MGAT4D: variants seen among roughly 807,000 people sequenced by gnomAD.
MGAT4D encodes the protein alpha-1,3-mannosyl-glycoprotein 4-beta-N-acetylglucosaminyltransferase-like protein MGAT4D.
In MGAT4D, 34 loss-of-function variants were observed where a neutral mutation model predicts 15.9. The observed-to-expected ratio is 2.14, with a 90% CI of 1.62 to 2.84. MGAT4D has a LOEUF of 2.84. Ranked by LOEUF, MGAT4D falls within the 30% of genes most tolerant of loss-of-function variation. The pLI is 0.00. For synonymous variants in MGAT4D, 112 were observed against 48.2 expected (o/e 2.33, Z -5.49); for missense variants, 327 against 140.2 (o/e 2.33, Z -6.73).
chr4:140,483,308 T>C (rs1334731252), intron 1 of MGAT4D, among the ~76,000 whole-genome samples: 2 of 152,092 alleles, frequency 1.3e-5, no homozygotes, highest in East Asian at 1.9e-4. Context: ...TGGGAATAAA[T>C]TTAACCAAGG....
intron 5 of MGAT4D, among the ~76,000 whole-genome samples, chr4:140,465,703 T>C (rs1042629393): frequency 1.3e-5 from 2 of 152,228 alleles, no homozygotes; most frequent in Non-Finnish European, 2.9e-5. Context: ...TATTAACATG[T>C]TAAAGGTTCA....
intron 10 of MGAT4D, chr4:140,450,218 G>GA (rs367803915): frequency 8.0e-4 from 199 of 247,906 alleles, no homozygotes; most frequent in African/African-American, 3.8e-3. Flanking sequence ...GTATCAAAAG[G>GA]AAAAAAGCCA....
chr4:140,449,036 T>C (rs1730301574), intron 10 of MGAT4D, among the ~76,000 whole-genome samples: 3 of 152,234 alleles, frequency 2.0e-5, no homozygotes, highest in South Asian at 4.1e-4. Context: ...TGGCAGTACA[T>C]TTAAATAATT....
chr4:140,445,348 G>A (rs1489374201), intron 10 of MGAT4D, among the ~76,000 whole-genome samples: 2 of 151,964 alleles, frequency 1.3e-5, no homozygotes, highest in Non-Finnish European at 2.9e-5. Context: ...GCATCTGTTT[G>A]TGTCCTTTAC....
At chr4:140,455,239 C>A (rs1730724729) in intron 9 of MGAT4D, among the ~76,000 whole-genome samples, 2 of 152,092 alleles carry the variant, frequency 1.3e-5, no homozygotes. Flanking sequence ...CTAAGCAGTG[C>A]TTTAGCTGCA....
chr4:140,465,192 G>A (rs929509808), intron 5 of MGAT4D, among the ~76,000 whole-genome samples, 183 bp from the exon 6 acceptor site: 1 of 151,962 alleles, frequency 6.6e-6, no homozygotes, highest in African/African-American at 2.4e-5. Context: ...ATTAATAACA[G>A]ACATATTAAA....
At chr4:140,476,113 C>G (rs1049560019) in intron 3 of MGAT4D, among the ~76,000 whole-genome samples, 2 of 152,066 alleles carry the variant, frequency 1.3e-5, no homozygotes, top group African/African-American at 4.8e-5. Context: ...TGCCTGGCCA[C>G]TTATTGGCTT....
At chr4:140,471,080 C>A (rs188653506) in intron 5 of MGAT4D, among the ~76,000 whole-genome samples, 1 of 151,826 alleles carries the variant, frequency 6.6e-6, no homozygotes, top group African/African-American at 2.4e-5. Flanking sequence ...TCAGTAGAGA[C>A]GGGGTTTGGC....
intron 9 of MGAT4D, among the ~76,000 whole-genome samples, chr4:140,453,465 G>A (rs1238450504): frequency 6.6e-6 from 1 of 151,698 alleles, no homozygotes; most frequent in African/African-American, 2.4e-5. Flanking sequence ...TTTGTTAAAT[G>A]TATACACATA....
At chr4:140,495,849 G>A (rs1216922905) in intron 1 of MGAT4D, among the ~76,000 whole-genome samples, 2 of 152,118 alleles carry the variant, frequency 1.3e-5, no homozygotes, top group Non-Finnish European at 2.9e-5. Flanking sequence ...CAATCCTCCT[G>A]CCTCAGCCTC....
At chr4:140,446,022 T>C (rs756975608) in intron 10 of MGAT4D, among the ~76,000 whole-genome samples, 2 of 152,228 alleles carry the variant, frequency 1.3e-5, no homozygotes, top group Non-Finnish European at 2.9e-5. Flanking sequence ...AAAGCTTACT[T>C]GATTGTGGTC....
chr4:140,444,890 T>TG (rs1489276457), intron 10 of MGAT4D, among the ~76,000 whole-genome samples: 1 of 151,658 alleles, frequency 6.6e-6, no homozygotes. Context: ...TTTTTGCCTT[T>TG]TTTTTTTTGA....
At chr4:140,493,423 G>T (rs1323825281) in intron 1 of MGAT4D, among the ~76,000 whole-genome samples, 1 of 150,866 alleles carries the variant, frequency 6.6e-6, no homozygotes, top group Non-Finnish European at 1.5e-5. Context: ...AGCCTCCCCA[G>T]TAGCTGGGAC....
intron 3 of MGAT4D, among the ~76,000 whole-genome samples, chr4:140,477,422 A>G (rs1213757252): frequency 1.3e-5 from 2 of 152,258 alleles, no homozygotes. Flanking sequence ...GTAGAAGCTT[A>G]TTAAATGAGG....
At chr4:140,454,108 C>T (rs1451298936) in intron 9 of MGAT4D, among the ~76,000 whole-genome samples, 1 of 151,764 alleles carries the variant, frequency 6.6e-6, no homozygotes, top group Non-Finnish European at 1.5e-5. Context: ...CTTTGTTTTT[C>T]CCTTTATTGC....
chr4:140,445,537 GATCT>G (rs1310044102), intron 10 of MGAT4D, among the ~76,000 whole-genome samples: 1 of 152,052 alleles, frequency 6.6e-6, no homozygotes, highest in Non-Finnish European at 1.5e-5. Context: ...AGTTTAATTA[GATCT>G]ATTTGTCAAC....
chr4:140,461,868 A>G, intron 7 of MGAT4D, 61 bp downstream of exon 7: 1 of 517,576 alleles, frequency 1.9e-6, no homozygotes, highest in East Asian at 3.0e-5. Flanking sequence ...ATCTACAGAT[A>G]TAATTGGTGT....
At chr4:140,489,330 T>C (rs1188768183) in intron 1 of MGAT4D, among the ~76,000 whole-genome samples, 1 of 152,192 alleles carries the variant, frequency 6.6e-6, no homozygotes. Flanking sequence ...TTAAATTCCC[T>C]GTGAGTGGCC....
At chr4:140,497,475 C>T (rs373531783) in intron 1 of MGAT4D, among the ~76,000 whole-genome samples, 1 of 152,088 alleles carries the variant, frequency 6.6e-6, no homozygotes, top group East Asian at 1.9e-4. Context: ...TTAAACTGGG[C>T]AACCTGTACC....
Sources: gnomAD v4.1 joint callset for allele counts (sites outside exome capture counted in the v4.1 genomes callset) on GRCh38, gnomAD v4.1.1 for gene constraint, MANE v1.5 for transcripts, NCBI Gene and HGNC (gene_info 2026-07-23, HGNC 2026-07-21) for gene names.